The following PPP6R3 variants were observed in gnomAD, a reference collection of about 807,000 sequenced individuals.
PPP6R3 encodes the protein serine/threonine-protein phosphatase 6 regulatory subunit 3.
In PPP6R3, 38 loss-of-function variants were observed where a neutral mutation model predicts 110.7. The observed-to-expected ratio is 0.34, with a 90% CI of 0.26 to 0.45. The LOEUF (loss-of-function observed/expected upper bound fraction) is 0.45. Among genes scored for constraint, PPP6R3 ranks in the 20% least tolerant of loss-of-function variants. PPP6R3 has a pLI of 1.00. For missense variants in PPP6R3, 870 were observed against 1,062.4 expected, an observed-to-expected ratio of 0.82 and a Z score of 2.52; for synonymous variants, 369 against 373.5, an observed-to-expected ratio of 0.99 and a Z score of 0.14.
intron 21 of PPP6R3, 70 bp from the exon 22 acceptor site, chr11:68,603,272 T>TTG: frequency 1.3e-6 from 2 of 1,585,766 alleles, no homozygotes; most frequent in East Asian, 4.5e-5. Context: ...GTAGATGGGT[T>TTG]TGTACAGTGG....
intron 1 of PPP6R3, among the ~76,000 whole-genome samples, chr11:68,478,724 C>G (rs2098866243): frequency 1.6e-5 from 2 of 122,336 alleles, no homozygotes; most frequent in African/African-American, 6.2e-5. Context: ...GTGGTGTCAC[C>G]TCAGCTTACT....
intron 1 of PPP6R3, among the ~76,000 whole-genome samples, chr11:68,496,818 G>C (rs1412747486): frequency 7.2e-6 from 1 of 138,714 alleles, no homozygotes; most frequent in African/African-American, 2.7e-5. Context: ...TTATTACTAA[G>C]TTGTAGGAGT....
chr11:68,537,730 A>G lies in PPP6R3; in HGVS notation c.66A>G (p.Val22=), dbSNP rs761688060. Residue 22 remains valine (V), a synonymous_variant, in exon 3 of 24, where the codon GTA becomes GTG. Transcript: ENST00000393800. The stretch of plus-strand genomic sequence containing the variant: ...ACACACTTCTAGAAAGAGAAGATGT[A>G]ACACTGAAGGAGTTAATGGATGAGG... ...HIDTLLERED[V]TLKELMDEED... is the part of the protein sequence containing the mutation. 1.7e-5 allele frequency: 28 copies of G among 1,613,274 alleles called. No homozygotes were observed. The African/African-American group carries it at 2.5e-4, about 15-fold the overall frequency.
At position 68,589,920 on chromosome 11, in the gene PPP6R3, A is replaced by G. The variant is rs193108831; in HGVS notation, c.1731-740A>G. ...TTAACTCAAAAAGAGCAAGAACACA[A>G]GATATTCTGTCCATACCCCAGGAGC... On this transcript the variant is annotated intron_variant, in intron 16 of 23. Transcript: ENST00000393800. Among the ~76,000 whole-genome samples, 1,199 of 152,322 alleles carry G rather than the reference A, an allele frequency of 7.9e-3. 15 individuals carry two copies. The highest frequency in any genetic ancestry group is 0.027 in the African/African-American group (1,131 of 41,564).
intron 1 of PPP6R3, among the ~76,000 whole-genome samples, chr11:68,493,810 C>T (rs539153313): frequency 4.6e-5 from 7 of 151,256 alleles, no homozygotes; most frequent in East Asian, 1.9e-4. Context: ...TCTTTTAAAA[C>T]GCTAGTACCC....
At chr11:68,594,701 C>T (rs1229069296) in intron 18 of PPP6R3, among the ~76,000 whole-genome samples, 1 of 152,168 alleles carries the variant, frequency 6.6e-6, no homozygotes, top group African/African-American at 2.4e-5. Flanking sequence ...AAAATCCTTC[C>T]AGCCTTTTTT....
Position 68,575,948 on chromosome 11 carries a change from C to G in PPP6R3, c.1460-10C>G, listed in dbSNP as rs758585062. 39 of 1,595,072 alleles carry G rather than the reference C, an allele frequency of 2.4e-5. No homozygotes were observed. Among genetic ancestry groups the G allele is most frequent in the Non-Finnish European group, 3.3e-5 (39 of 1,167,890 alleles). ...GGTGATAATGCTTTTTTGCTTTTCT[C>G]ACTCTGAAGATCTTCCCGACGAAGT... On this transcript the variant is annotated splice_polypyrimidine_tract_variant and intron_variant, in intron 13 of 23. Coordinates refer to ENST00000393800, the MANE Select transcript of PPP6R3 (RefSeq NM_001164161.2).
chr11:68,462,654 T>C (rs2098716363), intron 1 of PPP6R3, among the ~76,000 whole-genome samples: 1 of 152,202 alleles, frequency 6.6e-6, no homozygotes, highest in Admixed American at 6.5e-5. Flanking sequence ...GAAGGTATTC[T>C]CCACTTCAGC....
At chr11:68,522,573 C>T (rs1482056563) in intron 2 of PPP6R3, 1 of 152,202 alleles carries the variant, frequency 6.6e-6, no homozygotes, top group Admixed American at 6.5e-5. Flanking sequence ...ATAGGGCAAA[C>T]CGGGATGGTT....
chr11:68,586,395 G>A (rs1301439770), intron 15 of PPP6R3: 1 of 152,230 alleles, frequency 6.6e-6, no homozygotes, highest in African/African-American at 2.4e-5. Context: ...AGCAGCCCAG[G>A]ACTTGTCCCT....
intron 1 of PPP6R3, among the ~76,000 whole-genome samples, chr11:68,477,178 GC>G (rs2098838472): frequency 6.6e-6 from 1 of 151,990 alleles, no homozygotes; most frequent in Non-Finnish European, 1.5e-5. Context: ...ATAAGGTGAG[GC>G]TTTTCCATCT....
At chr11:68,602,001 G>T (rs1189578330) in intron 21 of PPP6R3, 32 bp downstream of exon 21, 1 of 1,527,206 alleles carries the variant, frequency 6.5e-7, no homozygotes, top group African/African-American at 1.4e-5. Context: ...TACACGCCAG[G>T]GTCACGTGGC....
At chr11:68,495,594 C>T (rs1045645928) in intron 1 of PPP6R3, among the ~76,000 whole-genome samples, 9 of 152,126 alleles carry the variant, frequency 5.9e-5, no homozygotes, top group Non-Finnish European at 1.3e-4. Context: ...AAACGTGGTC[C>T]TTTTTTGGGA....
chr11:68,561,810 G>C (rs1319184227), intron 8 of PPP6R3, among the ~76,000 whole-genome samples: 1 of 152,212 alleles, frequency 6.6e-6, no homozygotes, highest in Admixed American at 6.5e-5. Context: ...TCAGACTGGA[G>C]TGCAGTGGCA....
intron 1 of PPP6R3, among the ~76,000 whole-genome samples, chr11:68,513,458 G>A (rs1056325220): frequency 2.0e-5 from 3 of 152,118 alleles, no homozygotes; most frequent in African/African-American, 7.2e-5. Context: ...TTATTATTGG[G>A]GCTATGAAAG....
At chr11:68,533,456 T>G (rs2153629970) in intron 2 of PPP6R3, among the ~76,000 whole-genome samples, 1 of 152,248 alleles carries the variant, frequency 6.6e-6, no homozygotes, top group Admixed American at 6.5e-5. Flanking sequence ...CTCAAACCTG[T>G]AATCCCAGCA....
Position 68,557,519 on chromosome 11 carries a change from T to C in PPP6R3, c.732-1047T>C, listed in dbSNP as rs59985115. Among the ~76,000 whole-genome samples, 1,019 of 152,266 alleles carry C rather than the reference T, an allele frequency of 6.7e-3. 12 individuals are homozygous for C. The highest frequency in any genetic ancestry group is 0.024 in the African/African-American group (983 of 41,548). ...TTCTTTTTCTTTTCTTTTTCTTTTTTTTCTTTTTTCTTTTTTTGAGGTGGA... is the reference window on the plus strand; with the variant it reads ...TTCTTTTTCTTTTCTTTTTCTTTTTCTTCTTTTTTCTTTTTTTGAGGTGGA... On this transcript the variant is annotated intron_variant, in intron 7 of 23. Transcript: ENST00000393800.
chr11:68,527,580 G>T (rs540997712), intron 2 of PPP6R3, among the ~76,000 whole-genome samples: 3 of 152,122 alleles, frequency 2.0e-5, no homozygotes, highest in Admixed American at 2.0e-4. Context: ...CACAGCATCA[G>T]TGTCATCTCC....
chr11:68,569,986 GCTTGAGGTTAGATT>G (rs762913394), intron 11 of PPP6R3, 89 bp downstream of exon 11: 24 of 1,234,842 alleles, frequency 1.9e-5, no homozygotes, highest in Non-Finnish European at 2.6e-5. Flanking sequence ...GGTTTAAAGG[GCTTGAGGTTAGATT>G]TCAGAGTCTA....
Sources: gnomAD v4.1 joint callset for allele counts (sites outside exome capture counted in the v4.1 genomes callset) on GRCh38, gnomAD v4.1.1 for gene constraint, MANE v1.5 for transcripts, NCBI Gene and HGNC (gene_info 2026-07-23, HGNC 2026-07-21) for gene names.